LRRC4C: variants seen among roughly 807,000 people sequenced by gnomAD.
The protein encoded by LRRC4C is leucine-rich repeat-containing protein 4C.
Under a neutral mutation model 33.6 loss-of-function variants are expected in LRRC4C, and 5 were observed. The observed-to-expected ratio is 0.15, with a 90% CI of 0.08 to 0.31. The LOEUF is 0.31. Among genes scored for constraint, LRRC4C ranks in the 10% least tolerant of loss-of-function variants. The pLI is 1.00. For missense variants in LRRC4C, 560 were observed against 796.7 expected (o/e 0.70, Z 3.58); for synonymous variants, 329 against 302.0 (o/e 1.09, Z -0.93).
chr11:40,236,344 T>A (rs1411497469), intron 5 of LRRC4C, among the ~76,000 whole-genome samples: 1 of 152,152 alleles, frequency 6.6e-6, no homozygotes, highest in Admixed American at 6.6e-5. Context: ...CCCTAACTAC[T>A]CCTCTGTAAT....
intron 3 of LRRC4C, among the ~76,000 whole-genome samples, chr11:40,424,524 T>C (rs1334293602): frequency 6.6e-6 from 1 of 152,200 alleles, no homozygotes; most frequent in Non-Finnish European, 1.5e-5. Flanking sequence ...TTTTAAAATA[T>C]ATTTTAATAA....
chr11:40,980,560 A>T (rs932818231), intron 1 of LRRC4C, among the ~76,000 whole-genome samples: 13 of 152,204 alleles, frequency 8.5e-5, no homozygotes, highest in Non-Finnish European at 1.9e-4. Flanking sequence ...GCAAAAACTC[A>T]AGTAAAGACA....
intron 6 of LRRC4C, 123 bp from the exon 7 acceptor site, chr11:40,116,457 A>G (rs947947800): frequency 6.0e-6 from 6 of 1,001,196 alleles, no homozygotes; most frequent in Non-Finnish European, 8.5e-6. Flanking sequence ...AATTAAAAAC[A>G]AATCTAATAT....
intron 2 of LRRC4C, among the ~76,000 whole-genome samples, chr11:40,714,326 T>G (rs546279690): frequency 6.6e-6 from 1 of 152,226 alleles, no homozygotes; most frequent in Admixed American, 6.5e-5. Context: ...GGTGGCTTTT[T>G]AATGCAGCAA....
At chr11:40,511,136 C>T (rs1419720901) in intron 3 of LRRC4C, among the ~76,000 whole-genome samples, 1 of 152,016 alleles carries the variant, frequency 6.6e-6, no homozygotes, top group Non-Finnish European at 1.5e-5. Context: ...CCACAGCAAC[C>T]TCAAATGGGA....
intron 3 of LRRC4C, among the ~76,000 whole-genome samples, chr11:40,361,699 C>T (rs936060321): frequency 2.0e-5 from 3 of 152,130 alleles, no homozygotes; most frequent in Admixed American, 2.0e-4. Context: ...AGCATCAATG[C>T]TATTAAACTA....
At chr11:40,368,755 C>T (rs1008417302) in intron 3 of LRRC4C, among the ~76,000 whole-genome samples, 1 of 152,088 alleles carries the variant, frequency 6.6e-6, no homozygotes, top group Admixed American at 6.6e-5. Flanking sequence ...ATAAGTCCAC[C>T]TTTAGTAGTG....
chr11:40,789,558 G>A (rs1380075509), intron 2 of LRRC4C, among the ~76,000 whole-genome samples: 5 of 151,918 alleles, frequency 3.3e-5, no homozygotes, highest in Non-Finnish European at 5.9e-5. Flanking sequence ...TTAAAGTAAG[G>A]TTGCTCTACT....
At chr11:40,659,289 G>A (rs1056127228) in intron 2 of LRRC4C, among the ~76,000 whole-genome samples, 10 of 152,224 alleles carry the variant, frequency 6.6e-5, no homozygotes, top group African/African-American at 2.4e-4. Flanking sequence ...ATGAGGGCAG[G>A]AAGGAGGCTG....
chr11:40,133,640 C>T (rs770934149), intron 6 of LRRC4C, among the ~76,000 whole-genome samples: 1 of 152,136 alleles, frequency 6.6e-6, no homozygotes, highest in East Asian at 1.9e-4. Context: ...GGTACTGAGA[C>T]AAGCCCAGTA....
At chr11:41,241,422 C>G (rs1275816024) in intron 1 of LRRC4C, among the ~76,000 whole-genome samples, 3 of 151,916 alleles carry the variant, frequency 2.0e-5, no homozygotes, top group Non-Finnish European at 4.4e-5. Context: ...AACAGTGAGT[C>G]CAGAGGTATG....
intron 3 of LRRC4C, among the ~76,000 whole-genome samples, chr11:40,520,706 A>G (rs1955773859): frequency 1.3e-5 from 2 of 152,178 alleles, no homozygotes; most frequent in Admixed American, 6.5e-5. Context: ...GTGAACATAC[A>G]CTGTTGGAAA....
chr11:40,924,122 G>GTGTATATATATA (rs370589025), intron 2 of LRRC4C, among the ~76,000 whole-genome samples: 2 of 145,254 alleles, frequency 1.4e-5, no homozygotes, highest in East Asian at 4.1e-4. Flanking sequence ...GTGTGTGTGT[G>GTGTATATATATA]TATATATATA....
chr11:40,126,965 A>T (rs1856284350), intron 6 of LRRC4C, among the ~76,000 whole-genome samples: 1 of 151,758 alleles, frequency 6.6e-6, no homozygotes, highest in Non-Finnish European at 1.5e-5. Flanking sequence ...GTCTCAAAAA[A>T]AAAAAATAAA....
intron 4 of LRRC4C, among the ~76,000 whole-genome samples, chr11:40,283,302 A>G (rs534631289): frequency 2.0e-5 from 3 of 152,350 alleles, no homozygotes; most frequent in African/African-American, 7.2e-5. Context: ...ATGTACTTGC[A>G]CAAGGTAATT....
chr11:41,439,796 C>A (rs1202067486), intron 1 of LRRC4C, among the ~76,000 whole-genome samples: 2 of 152,142 alleles, frequency 1.3e-5, no homozygotes, highest in Non-Finnish European at 2.9e-5. Flanking sequence ...CAGAAAGCAT[C>A]TCTGAAAGGA....
intron 2 of LRRC4C, among the ~76,000 whole-genome samples, chr11:40,790,167 G>A (rs1378044373): frequency 1.3e-5 from 2 of 152,270 alleles, no homozygotes; most frequent in South Asian, 2.1e-4. Flanking sequence ...TTTCGTAAGT[G>A]GATTGGAGAA....
chr11:40,244,291 GC>G (rs1243981693), intron 4 of LRRC4C, among the ~76,000 whole-genome samples: 1 of 151,736 alleles, frequency 6.6e-6, no homozygotes, highest in Non-Finnish European at 1.5e-5. Flanking sequence ...CCCCACTTCA[GC>G]CCCCCATCTG....
At chr11:40,128,134 T>C (rs1381567) in intron 6 of LRRC4C, among the ~76,000 whole-genome samples, 33,437 of 152,052 alleles carry the variant, frequency 0.22, 3,833 homozygotes, top group East Asian at 0.27. Flanking sequence ...TTCTCCGAGC[T>C]GCACCTTCCT....
Sources: gnomAD v4.1 joint callset for allele counts (sites outside exome capture counted in the v4.1 genomes callset) on GRCh38, gnomAD v4.1.1 for gene constraint, MANE v1.5 for transcripts, NCBI Gene and HGNC (gene_info 2026-07-23, HGNC 2026-07-21) for gene names.